ZNF404: variants seen among roughly 807,000 people sequenced by gnomAD.
The protein encoded by ZNF404 is zinc finger protein 404.
ZNF404 carries 7 observed loss-of-function variants against 7.3 expected under a neutral mutation model. The ratio of observed to expected loss-of-function variants is 0.95; its 90% CI spans 0.54 to 1.79. The LOEUF is 1.79. ZNF404 is among the 40% of genes most tolerant of loss of function. ZNF404 has a pLI of 0.00. For synonymous variants in ZNF404, 191 were observed against 209.9 expected, an observed-to-expected ratio of 0.91 and a Z score of 0.78; for missense variants, 560 against 661.5, an observed-to-expected ratio of 0.85 and a Z score of 1.68.
intron 1 of ZNF404, among the ~76,000 whole-genome samples, chr19:43,882,922 G>A (rs1408751363): frequency 6.6e-6 from 1 of 151,970 alleles, no homozygotes; most frequent in Non-Finnish European, 1.5e-5. Flanking sequence ...CCAACATGGT[G>A]AAACCCCATC....
intron 1 of ZNF404, 130 bp downstream of exon 1, chr19:43,883,826 G>T: frequency 1.1e-6 from 1 of 899,530 alleles, no homozygotes; most frequent in Non-Finnish European, 1.7e-6. Context: ...TCACTGGAAT[G>T]GGAGGAATGT....
chr19:43,874,269 G>A (rs1347925578), intron 2 of ZNF404, among the ~76,000 whole-genome samples, 192 bp from the exon 3 acceptor site: 4 of 152,078 alleles, frequency 2.6e-5, no homozygotes, highest in Non-Finnish European at 5.9e-5. Flanking sequence ...AAGTGCACAG[G>A]AGGATGTAAG....
At chr19:43,876,478 G>A (rs1971850922) in intron 2 of ZNF404, among the ~76,000 whole-genome samples, 1 of 151,668 alleles carries the variant, frequency 6.6e-6, no homozygotes, top group Non-Finnish European at 1.5e-5. Context: ...AGATAGGAGG[G>A]AAAATCCAAA....
chr19:43,880,986 A>G (rs1971890603), intron 1 of ZNF404, among the ~76,000 whole-genome samples: 1 of 152,192 alleles, frequency 6.6e-6, no homozygotes, highest in Non-Finnish European at 1.5e-5. Context: ...CAAAAGAAAA[A>G]CCGTATGAAC....
At chr19:43,880,226 AAAG>A (rs1314870848) in intron 1 of ZNF404, 90 bp from the exon 2 acceptor site, 5 of 1,159,122 alleles carry the variant, frequency 4.3e-6, no homozygotes, top group Non-Finnish European at 4.9e-6. Context: ...CAATATGTAA[AAAG>A]AAGTAGTCTA....
rs775686590 is a variant in ZNF404 at position 43,873,581 on chromosome 19, ACCAGTATGAATTAT to A, written c.619_632del (p.Ile207TyrfsTer5). On this transcript the variant is annotated frameshift_variant, in exon 3 of 3. Transcript: ENST00000587539. LOFTEE classifies it low-confidence loss of function (END_TRUNC). ...ATTGCTTACATTCATAGGGTTTCAT[ACCAGTATGAATTAT>A]CTGATGCTGAATAAGCTGTGAATAA... is the stretch of plus-strand genomic sequence containing the variant. The A allele has an allele frequency of 6.2e-7, 1 of 1,613,502 alleles. No individual in the cohort carries two copies. Among genetic ancestry groups the A allele is most frequent in the East Asian group, 2.2e-5 (1 of 44,880 alleles).
rs777476955 is a variant in ZNF404, at chr19:43,872,417, T to C, written c.*138A>G. 1 of 572,238 alleles carries C rather than the reference T, an allele frequency of 1.7e-6. No individual in the cohort carries two copies. Among genetic ancestry groups the C allele is most frequent in the Non-Finnish European group, 2.8e-6 (1 of 352,406 alleles). The allele number at this position is 572,238 out of a possible 1,614,324, so 35.4% of individuals were successfully genotyped here. On this transcript the variant is annotated 3_prime_UTR_variant, in exon 3 of 3. Coordinates refer to ENST00000587539, the MANE Select transcript of ZNF404 (RefSeq NM_001033719.3). This position sits in a 1 kb window ranked among gnomAD's most constrained non-coding sequence, Gnocchi z 4.4. Reference sequence around the variant, plus strand: ...ATTCTAACAATTATCATAAAAATAATGTATTTAGTAAGCAAATACGATGTG... The same window carrying C: ...ATTCTAACAATTATCATAAAAATAACGTATTTAGTAAGCAAATACGATGTG...
chr19:43,872,781 G>A lies in ZNF404; in HGVS notation c.1433C>T (p.Ser478Phe). Residue 478 changes from serine to phenylalanine, a missense_variant, in exon 3 of 3, where the codon TCT becomes TTT. Transcript: ENST00000587539. The surrounding 1 kb of genome is among the most constrained non-coding windows in gnomAD (Gnocchi z 4.4). ...VCKECKKAFRSISGLSQHKRI... is the reference protein window; with the variant it reads ...VCKECKKAFRFISGLSQHKRI... ...CTTATGTTGAGAAAGACCTGAGATA[G>A]AACGAAAGGCCTTCTTACATTCTTT... 2 of 1,611,424 alleles carry A rather than the reference G, an allele frequency of 1.2e-6. No homozygotes were observed. The highest frequency in any genetic ancestry group is 1.7e-6 in the Non-Finnish European group (2 of 1,178,504).
In ZNF404 at chr19:43,873,198, C is replaced by A. The variant is rs200890436; in HGVS notation, c.1016G>T (p.Gly339Val). Residue 339 changes from glycine (G) to valine (V), a missense_variant, in exon 3 of 3, where the codon GGC becomes GTC. Coordinates refer to ENST00000587539, the MANE Select transcript of ZNF404 (RefSeq NM_001033719.3). ...TCTCTTATGTTTAAGAAGGCTTGAG[C>A]CCTTACCAAAAGCCTTTCCACATTC... is the stretch of plus-strand genomic sequence containing the variant. ...CMECGKAFGKGSSLLKHKRIH... is the reference protein window; with the variant it reads ...CMECGKAFGKVSSLLKHKRIH... The A allele has an allele frequency of 1.3e-4, 209 of 1,612,416 alleles. No homozygotes were observed. The highest frequency in any genetic ancestry group is 1.7e-4 in the Non-Finnish European group (195 of 1,178,798).
intron 2 of ZNF404, 97 bp downstream of exon 2, chr19:43,879,913 T>C: frequency 6.8e-7 from 1 of 1,467,682 alleles, no homozygotes. Flanking sequence ...GGAGCAGAAA[T>C]GTAGCTGGTT....
At position 43,876,859 on chromosome 19, in the gene ZNF404, C is replaced by T. The variant is rs187461341; in HGVS notation, c.137-2782G>A. Among the ~76,000 whole-genome samples, 578 of 152,198 alleles carry T rather than the reference C, an allele frequency of 3.8e-3. 2 individuals carry two copies. The highest frequency in any genetic ancestry group is 6.8e-3 in the Middle Eastern group (2 of 294). ...TTTAATCATAAAAAATTCAACAAAC[C>T]CAAATTGTCCGGCACTTTTCAAAAT... is the stretch of plus-strand genomic sequence containing the variant. On this transcript the variant is annotated intron_variant, in intron 2 of 2. Coordinates refer to ENST00000587539, the MANE Select transcript of ZNF404 (RefSeq NM_001033719.3).
Position 43,873,830 on chromosome 19 carries a change from C to T in ZNF404, c.384G>A (p.Glu128=), listed in dbSNP as rs1232401166. 1 of 1,604,100 alleles carries T rather than the reference C, an allele frequency of 6.2e-7. No individual in the cohort carries two copies. Among genetic ancestry groups the T allele is most frequent in the Non-Finnish European group, 8.5e-7 (1 of 1,179,472 alleles). Residue 128 remains glutamate, a synonymous_variant, in exon 3 of 3, where the codon GAG becomes GAA. Coordinates refer to ENST00000587539, the MANE Select transcript of ZNF404 (RefSeq NM_001033719.3). ...TATATTCCTTACACTCATATGATTT[C>T]TCTCTTGTGTTATTTCTCTTATGTA... ...LPLHKRNNTR[E]KSYECKEYKK... is the part of the protein sequence containing the mutation.
intron 2 of ZNF404, among the ~76,000 whole-genome samples, chr19:43,878,623 C>A (rs1398780399): frequency 6.6e-6 from 1 of 152,134 alleles, no homozygotes; most frequent in African/African-American, 2.4e-5. Flanking sequence ...CAAAGGAAAG[C>A]ACCACCATAT....
intron 1 of ZNF404, among the ~76,000 whole-genome samples, chr19:43,882,380 T>G (rs1971903038): frequency 6.6e-6 from 1 of 152,056 alleles, no homozygotes; most frequent in African/African-American, 2.4e-5. Flanking sequence ...ACATAAAACA[T>G]AAAACTATAG....
At position 43,872,581 on chromosome 19, in the gene ZNF404, G is replaced by A; in HGVS notation, c.1633C>T (p.His545Tyr). ...CYQLSQHQRF[H>Y]HGERLLM ...TACATTAAGAGTCTCTCACCATGGT[G>A]AAATCTTTGATGTTGACTAAGTTGA... Residue 545 changes from histidine (H) to tyrosine (Y), a missense_variant, in exon 3 of 3, where the codon CAC becomes TAC. Coordinates refer to ENST00000587539, the MANE Select transcript of ZNF404 (RefSeq NM_001033719.3). The surrounding 1 kb of genome is among the most constrained non-coding windows in gnomAD (Gnocchi z 4.4). 3 of 1,606,496 alleles carry A rather than the reference G, an allele frequency of 1.9e-6. No homozygotes were observed. The East Asian group carries it at 6.7e-5, about 36-fold the overall frequency.
chr19:43,875,201 C>T (rs1971843452), intron 2 of ZNF404, among the ~76,000 whole-genome samples: 1 of 152,172 alleles, frequency 6.6e-6, no homozygotes, highest in Non-Finnish European at 1.5e-5. Flanking sequence ...CACTGGTGTT[C>T]ATTCTTTCCT....
rs773408983 is a variant in ZNF404, at chr19:43,872,803, C to T, written c.1411G>A (p.Glu471Lys). Residue 471 changes from glutamate to lysine, a missense_variant, in exon 3 of 3, where the codon GAA (glutamate) becomes AAA (lysine). By Grantham distance (56) the Glu-to-Lys change is moderately conservative (BLOSUM62 1). Transcript: ENST00000587539. The surrounding 1 kb of genome is among the most constrained non-coding windows in gnomAD (Gnocchi z 4.4). ...ATAGAACGAAAGGCCTTCTTACATT[C>T]TTTACATACATAGGGTTTCAAACCA... ...HTGLKPYVCK[E>K]CKKAFRSISG... 29 of 1,610,440 alleles carry T rather than the reference C, an allele frequency of 1.8e-5. No homozygotes were observed. The highest frequency in any genetic ancestry group is 2.7e-5 in the African/African-American group (2 of 74,844).
chr19:43,878,616 AG>A (rs1971870598), intron 2 of ZNF404, among the ~76,000 whole-genome samples: 1 of 152,184 alleles, frequency 6.6e-6, no homozygotes, highest in Non-Finnish European at 1.5e-5. Flanking sequence ...AATGAGGCAA[AG>A]GAAAGCACCA....
At chr19:43,874,152 A>T in intron 2 of ZNF404, 75 bp from the exon 3 acceptor site, 1 of 1,022,998 alleles carries the variant, frequency 9.8e-7, no homozygotes, top group Non-Finnish European at 1.4e-6. Context: ...TATATTAAAA[A>T]TAGTGATAAA....
Sources: allele counts gnomAD v4.1 joint callset (sites outside exome capture counted in the v4.1 genomes callset), GRCh38; gene constraint gnomAD v4.1.1; non-coding constraint Gnocchi (gnomAD v3.1); transcripts MANE v1.5; gene names NCBI Gene and HGNC (gene_info 2026-07-23, HGNC 2026-07-21).